Variants in MINDY4B observed in about 807,000 individuals in gnomAD.
MINDY4B encodes the protein inactive ubiquitin carboxyl-terminal hydrolase MINDY-4B.
A neutral mutation model predicts 16.7 loss-of-function variants in MINDY4B; 25 were observed. The observed-to-expected ratio is 1.49, with a 90% confidence interval of 1.09 to 2.09. MINDY4B has a LOEUF of 2.09. MINDY4B is among the 30% of genes most tolerant of loss of function. MINDY4B has a pLI of 0.00. For synonymous variants in MINDY4B, 132 were observed against 61.9 expected (o/e 2.13, Z -5.32); for missense variants, 327 against 168.4 (o/e 1.94, Z -5.21).
intron 10 of MINDY4B, among the ~76,000 whole-genome samples, chr3:150,876,245 C>T (rs958406958): frequency 6.6e-6 from 1 of 152,176 alleles, no homozygotes; most frequent in East Asian, 1.9e-4. Flanking sequence ...TGTAAAATTA[C>T]AAGGACAGCA....
intron 11 of MINDY4B, among the ~76,000 whole-genome samples, chr3:150,871,692 T>C (rs1259322390): frequency 6.6e-6 from 1 of 152,008 alleles, no homozygotes; most frequent in Non-Finnish European, 1.5e-5. Context: ...CTACTAAAAA[T>C]ACAGAAAATT....
intron 10 of MINDY4B, among the ~76,000 whole-genome samples, chr3:150,875,850 G>A (rs1038404879): frequency 2.0e-5 from 3 of 152,210 alleles, no homozygotes; most frequent in Non-Finnish European, 2.9e-5. Flanking sequence ...CTGGTTTAAA[G>A]TGAGTCCTGC....
In MINDY4B at chr3:150,871,823, C is replaced by T. The variant is rs145556709; in HGVS notation, c.1241-636G>A. On this transcript the variant is annotated intron_variant, in intron 11 of 11. Coordinates refer to ENST00000465419, the MANE Select transcript of MINDY4B (RefSeq NM_001351281.2). ...TCACGCCACTGCACTCCAGCCTGGG[C>T]GACAGAGTGAGACTCCATCTCCAAC... Among the ~76,000 whole-genome samples, 325 of 152,214 alleles carry T rather than the reference C, an allele frequency of 2.1e-3. 4 individuals carry two copies. The East Asian group carries it at 0.053, about 25-fold the overall frequency.
intron 7 of MINDY4B, among the ~76,000 whole-genome samples, chr3:150,886,518 C>T (rs1711627137): frequency 6.6e-6 from 1 of 152,160 alleles, no homozygotes; most frequent in Admixed American, 6.5e-5. Context: ...TAACAAAGTG[C>T]CACAGGCTTG....
rs915935433 is a variant in MINDY4B, at chr3:150,882,956, T to C, written c.1000A>G (p.Ser334Gly). 2.8e-6 allele frequency: 2 copies of C among 702,790 alleles called. No individual in the cohort carries two copies. Among genetic ancestry groups the C allele is most frequent in the African/African-American group, 3.5e-5 (2 of 57,240 alleles). The allele number at this position is 702,790 out of a possible 1,614,324, so 43.5% of individuals were successfully genotyped here. The change falls in exon 10 of 12, where the codon AGT becomes GGT. Residue 334 changes from serine (S) to glycine (G), a missense_variant. Transcript: ENST00000465419. Reference sequence around the variant, plus strand: ...CCCCACTGCAAATAGCCAACATCACTGCGGGTCAGGACTCCATGTAGTGTT... The same window carrying C: ...CCCCACTGCAAATAGCCAACATCACCGCGGGTCAGGACTCCATGTAGTGTT... ...QETLHGVLTR[S>G]DVGYLQWGKD... is the part of the protein sequence containing the mutation.
At chr3:150,886,992 A>G (rs1711638344) in intron 7 of MINDY4B, among the ~76,000 whole-genome samples, 3 of 152,186 alleles carry the variant, frequency 2.0e-5, no homozygotes. Context: ...TGTATATATG[A>G]TGTTTCTTCC....
intron 10 of MINDY4B, among the ~76,000 whole-genome samples, chr3:150,879,320 A>G (rs927897560): frequency 1.2e-4 from 18 of 151,990 alleles, no homozygotes; most frequent in African/African-American, 4.1e-4. Context: ...GTCTGGAGAC[A>G]TTTTTATTGC....
At chr3:150,883,304 T>C (rs1026512211) in intron 9 of MINDY4B, among the ~76,000 whole-genome samples, 1 of 152,174 alleles carries the variant, frequency 6.6e-6, no homozygotes, top group African/African-American at 2.4e-5. Flanking sequence ...CCGTCCTCCT[T>C]TTACAGTTCT....
At chr3:150,885,535 T>G in intron 7 of MINDY4B, 97 bp from the exon 8 acceptor site, 1 of 669,938 alleles carries the variant, frequency 1.5e-6, no homozygotes, top group Non-Finnish European at 2.7e-6. Context: ...CTGAGAGAAT[T>G]TTTTCCCCCT....
At chr3:150,883,922 G>T (rs1711566055) in intron 8 of MINDY4B, 150 bp from the exon 9 acceptor site, 1 of 608,862 alleles carries the variant, frequency 1.6e-6, no homozygotes, top group South Asian at 2.0e-5. Context: ...CACAGGGAAA[G>T]CCTCTAGATC....
At chr3:150,889,146 A>C (rs1207092354) in intron 7 of MINDY4B, among the ~76,000 whole-genome samples, 1 of 152,248 alleles carries the variant, frequency 6.6e-6, no homozygotes, top group Non-Finnish European at 1.5e-5. Context: ...TTAATAGCTT[A>C]AACACTACAG....
intron 7 of MINDY4B, among the ~76,000 whole-genome samples, chr3:150,888,543 T>G (rs4234293): frequency 0.077 from 11,712 of 152,180 alleles, 564 homozygotes; most frequent in African/African-American, 0.13. Flanking sequence ...TGCATTTTGA[T>G]AGTTGATGGG....
intron 7 of MINDY4B, among the ~76,000 whole-genome samples, chr3:150,885,986 G>A (rs1711613745): frequency 6.6e-6 from 1 of 152,176 alleles, no homozygotes; most frequent in African/African-American, 2.4e-5. Flanking sequence ...GTTAAATGAA[G>A]TAATTAATTA....
At chr3:150,903,900 TCCA>T (rs769982128) in intron 2 of MINDY4B, among the ~76,000 whole-genome samples, 8 of 152,090 alleles carry the variant, frequency 5.3e-5, no homozygotes, top group African/African-American at 1.7e-4. Context: ...TTAAAAAAAA[TCCA>T]CCGTCTACCT....
At chr3:150,897,354 TG>T (rs2107909241) in intron 3 of MINDY4B, among the ~76,000 whole-genome samples, 1 of 151,384 alleles carries the variant, frequency 6.6e-6, no homozygotes, top group East Asian at 2.0e-4. Flanking sequence ...TGTGTGTGTG[TG>T]TGTGTGTGTG....
In MINDY4B at chr3:150,894,275, CTG is replaced by C. The variant is rs1012540265; in HGVS notation, c.338_339del (p.Thr113SerfsTer5). ...TKLRQILFGNTVHVFSYNWKK... is the reference protein window; with the variant it reads ...TKLRQILFGNXVHVFSYNWKK... Reference sequence around the variant, plus strand: ...TTCCAGTTATAGCTAAAGACATGGACTGTGTTTCCAAACAGGATCTGCCGCAG... The same window carrying C: ...TTCCAGTTATAGCTAAAGACATGGACTGTTTCCAAACAGGATCTGCCGCAG... On this transcript the variant is annotated frameshift_variant, in exon 4 of 12. Transcript: ENST00000465419. LOFTEE classifies it high-confidence loss of function. 1.4e-6 allele frequency: 1 copy of C among 699,070 alleles called. No homozygotes were observed. Among genetic ancestry groups the C allele is most frequent in the African/African-American group, 1.8e-5 (1 of 56,996 alleles). The allele number at this position is 699,070 out of a possible 1,614,324, so 43.3% of individuals were successfully genotyped here.
chr3:150,871,172 T>G lies in MINDY4B; in HGVS notation c.1256A>C (p.His419Pro). The change falls in exon 12 of 12, where the codon CAC becomes CCC. Residue 419 changes from histidine (H) to proline (P), a missense_variant. Coordinates refer to ENST00000465419, the MANE Select transcript of MINDY4B (RefSeq NM_001351281.2). ...VRLTIDTHSH[H>P]WERDQQEEKH... ...CTCTTCCTGTTGGTCTCTTTCCCAG[T>G]GATGGGAGTGAGTATCTGAAGAAGG... The G allele has an allele frequency of 1.4e-6, 1 of 702,616 alleles. No individual in the cohort carries two copies. Among genetic ancestry groups the G allele is most frequent in the Non-Finnish European group, 2.6e-6 (1 of 384,820 alleles). 43.5% of individuals were successfully genotyped at this position (702,616 alleles called of 1,614,324 possible).
chr3:150,902,965 A>G (rs1712152714), intron 3 of MINDY4B, among the ~76,000 whole-genome samples: 1 of 152,174 alleles, frequency 6.6e-6, no homozygotes, highest in Non-Finnish European at 1.5e-5. Context: ...TACCTTCTAT[A>G]GTGAGTTATT....
chr3:150,882,962 T>C lies in MINDY4B; in HGVS notation c.994A>G (p.Thr332Ala). ...TGCAAATAGCCAACATCACTGCGGG[T>C]CAGGACTCCATGTAGTGTTTCCTGA... is the stretch of plus-strand genomic sequence containing the variant. ...KSQETLHGVLTRSDVGYLQWG... is the reference protein window; with the variant it reads ...KSQETLHGVLARSDVGYLQWG... The change falls in exon 10 of 12, where the codon ACC becomes GCC. Residue 332 changes from threonine to alanine, a missense_variant. Physicochemically the swap from Thr to Ala is moderately conservative, Grantham distance 58. Coordinates refer to ENST00000465419, the MANE Select transcript of MINDY4B (RefSeq NM_001351281.2). The C allele has an allele frequency of 1.4e-6, 1 of 702,854 alleles. No homozygotes were observed. The highest frequency in any genetic ancestry group is 2.6e-6 in the Non-Finnish European group (1 of 384,824). 43.5% of individuals were successfully genotyped at this position (702,854 alleles called of 1,614,324 possible).
Sources: gnomAD v4.1 joint callset for allele counts (sites outside exome capture counted in the v4.1 genomes callset) on GRCh38, gnomAD v4.1.1 for gene constraint, MANE v1.5 for transcripts, NCBI Gene and HGNC (gene_info 2026-07-23, HGNC 2026-07-21) for gene names.